Variants in CCSER2 observed in about 807,000 individuals in gnomAD.
CCSER2 encodes the protein serine-rich coiled-coil domain-containing protein 2.
Under a neutral mutation model 92.3 loss-of-function variants are expected in CCSER2, and 46 were observed. The observed-to-expected ratio is 0.50, with a 90% CI of 0.39 to 0.64. The LOEUF (loss-of-function observed/expected upper bound fraction) is 0.64, where lower values mean the gene tolerates loss of function less well. Among genes scored for constraint, CCSER2 ranks in the 30% least tolerant of loss-of-function variants. The pLI, the probability that CCSER2 is intolerant of heterozygous loss-of-function variation, is 0.00. For synonymous variants in CCSER2, 433 were observed against 431.4 expected, an observed-to-expected ratio of 1.00 and a Z score of -0.04; for missense variants, 1,244 against 1,238.9, an observed-to-expected ratio of 1.00 and a Z score of -0.06.
intron 5 of CCSER2, among the ~76,000 whole-genome samples, chr10:84,437,040 AT>A (rs1334001943): frequency 3.3e-5 from 5 of 152,016 alleles, no homozygotes; most frequent in Non-Finnish European, 7.4e-5. Flanking sequence ...TGGAGATAAT[AT>A]TTTTTCAATG....
intron 2 of CCSER2, 126 bp downstream of exon 2, chr10:84,372,595 A>G (rs948928070): frequency 4.9e-5 from 31 of 626,640 alleles, no homozygotes; most frequent in Non-Finnish European, 7.7e-5. Flanking sequence ...ATCTAGACAA[A>G]ATTGAGGTGG....
At position 84,371,079 on chromosome 10, in the gene CCSER2, AT is replaced by A; in HGVS notation, c.32del (p.Leu11TrpfsTer13). 6.3e-7 allele frequency: 1 copy of A among 1,595,900 alleles called. No homozygotes were observed. Among genetic ancestry groups the A allele is most frequent in the Admixed American group, 1.8e-5 (1 of 56,002 alleles). On this transcript the variant is annotated frameshift_variant, in exon 2 of 10. Coordinates refer to ENST00000372088, the MANE Select transcript of CCSER2 (RefSeq NM_001284240.2). LOFTEE classifies it high-confidence loss of function. MEEKTQIKT[F>X]LGSKLPKYGT... ...TGGAAGAAAAAACACAAATCAAGAC[AT>A]TTTTGGGTTCCAAGTTGCCAAAGTA...
intron 9 of CCSER2, among the ~76,000 whole-genome samples, chr10:84,483,446 G>A (rs905690068): frequency 1.3e-5 from 2 of 149,450 alleles, no homozygotes; most frequent in Non-Finnish European, 3.0e-5. Flanking sequence ...ACTGGGTCAA[G>A]TATTTTCCCA....
chr10:84,457,251 T>TAAATATATTATATATTATATATTA (rs1218677091), intron 6 of CCSER2, among the ~76,000 whole-genome samples: 18 of 68,634 alleles, frequency 2.6e-4, no homozygotes, highest in South Asian at 1.2e-3. Flanking sequence ...ATATTATATA[T>TAAATATATTATATATTATATATTA]TATATAAAAT....
intron 4 of CCSER2, 108 bp from the exon 5 acceptor site, chr10:84,425,623 T>A: frequency 2.8e-6 from 2 of 706,628 alleles, no homozygotes; most frequent in Non-Finnish European, 4.2e-6. Context: ...CTGATATTTT[T>A]AAACTATTAT....
chr10:84,408,704 T>C (rs979773720), intron 3 of CCSER2, among the ~76,000 whole-genome samples: 2 of 152,228 alleles, frequency 1.3e-5, no homozygotes, highest in African/African-American at 2.4e-5. Flanking sequence ...CTTTCACTGA[T>C]TCAGTGCTGC....
intron 6 of CCSER2, among the ~76,000 whole-genome samples, chr10:84,442,621 A>G (rs191514384): frequency 8.5e-5 from 13 of 152,298 alleles, no homozygotes; most frequent in Non-Finnish European, 1.5e-4. Context: ...TTCTCCACGA[A>G]TTATTGTTTC....
chr10:84,513,420 G>A (rs758621397), intron 9 of CCSER2, 29 bp from the exon 10 acceptor site: 9 of 1,507,164 alleles, frequency 6.0e-6, no homozygotes, highest in Non-Finnish European at 7.2e-6. Flanking sequence ...CTAAGAACTT[G>A]CTGCTAATGT....
At chr10:84,465,247 GTGTGTGTGTGTGTGTGT>G (rs1846330185) in intron 7 of CCSER2, among the ~76,000 whole-genome samples, 1 of 8,860 alleles carries the variant, frequency 1.1e-4, no homozygotes, top group Admixed American at 1.5e-3. Context: ...ATTTGTGTGT[GTGTGTGTGTGTGTGTGT>G]GTGTGTGTGT....
chr10:84,475,449 A>T (rs556796299), intron 8 of CCSER2, among the ~76,000 whole-genome samples: 48 of 152,362 alleles, frequency 3.2e-4, no homozygotes, highest in Non-Finnish European at 6.3e-4. Flanking sequence ...ATGTGTGAGC[A>T]TATAGACCAC....
At position 84,329,048 on chromosome 10, in the gene CCSER2, C is replaced by T. The variant is rs530540139; in HGVS notation, c.-40+240C>T. Among the ~76,000 whole-genome samples, 9 of 151,958 alleles carry T rather than the reference C, an allele frequency of 5.9e-5. No individual in the cohort carries two copies. In the East Asian group the frequency reaches 1.4e-3, roughly 23 times the overall value. On this transcript the variant is annotated intron_variant, in intron 1 of 9. Transcript: ENST00000372088. The stretch of plus-strand genomic sequence containing the variant: ...CGCCCTCCCTGCGGCTGTGACAGCG[C>T]GGGGCCTCGGGCCGCGGGCGCCGCC...
chr10:84,499,780 G>A (rs1478136945), intron 9 of CCSER2: 1 of 1,222,946 alleles, frequency 8.2e-7, no homozygotes, highest in African/African-American at 1.5e-5. Context: ...CTATTGCTCT[G>A]TGTTATTTAA....
At chr10:84,409,982 T>C (rs1294394666) in intron 3 of CCSER2, among the ~76,000 whole-genome samples, 20 of 152,052 alleles carry the variant, frequency 1.3e-4, no homozygotes, top group Admixed American at 1.3e-3. Context: ...GTTCCCATCA[T>C]TCAGCTCCCA....
intron 8 of CCSER2, among the ~76,000 whole-genome samples, chr10:84,473,810 C>A (rs1846963684): frequency 1.3e-5 from 2 of 152,104 alleles, no homozygotes; most frequent in African/African-American, 4.8e-5. Flanking sequence ...TGACAGTTTC[C>A]ATCACCTCTC....
chr10:84,382,596 T>C (rs376814611), intron 3 of CCSER2, among the ~76,000 whole-genome samples: 2 of 152,228 alleles, frequency 1.3e-5, no homozygotes, highest in East Asian at 3.8e-4. Flanking sequence ...AGAGCTCTCA[T>C]TGAAGAATAG....
At chr10:84,391,913 A>G in intron 3 of CCSER2, 1 of 1,350,458 alleles carries the variant, frequency 7.4e-7, no homozygotes, top group Non-Finnish European at 1.1e-6. Context: ...AACCCAAAAG[A>G]TGATCTCAGA....
At chr10:84,390,936 T>TA (rs1357211651) in intron 3 of CCSER2, 52 of 756,712 alleles carry the variant, frequency 6.9e-5, no homozygotes, top group Non-Finnish European at 2.5e-6. Flanking sequence ...CAGCACCTGT[T>TA]ACTCACTTTG....
intron 9 of CCSER2, among the ~76,000 whole-genome samples, chr10:84,485,743 CTTTTT>C (rs35682576): frequency 6.6e-6 from 1 of 152,044 alleles, no homozygotes; most frequent in African/African-American, 2.4e-5. Context: ...TCACTACATG[CTTTTT>C]TAATTATTAT....
rs1008947682 is a variant in CCSER2, at chr10:84,375,606, T to C, written c.1614+1791T>C. Among the ~76,000 whole-genome samples, 3 of 151,514 alleles carry C rather than the reference T, an allele frequency of 2.0e-5. No homozygotes were observed. The East Asian group carries it at 5.8e-4, about 29-fold the overall frequency. On this transcript the variant is annotated intron_variant, in intron 3 of 9. Coordinates refer to ENST00000372088, the MANE Select transcript of CCSER2 (RefSeq NM_001284240.2). ...TGATCTTCTCTATCTCTAACTATGC[T>C]TTTTGTTTTCACACTCCTTTTTTTC...
Sources: gnomAD v4.1 joint callset for allele counts (sites outside exome capture counted in the v4.1 genomes callset) on GRCh38, gnomAD v4.1.1 for gene constraint, MANE v1.5 for transcripts, NCBI Gene and HGNC (gene_info 2026-07-23, HGNC 2026-07-21) for gene names.